RIMS2: variants seen among roughly 807,000 people sequenced by gnomAD.
RIMS2 encodes regulating synaptic membrane exocytosis protein 2.
RIMS2 carries 59 observed loss-of-function variants against 174.4 expected under a neutral mutation model. The ratio of observed to expected loss-of-function variants is 0.34; its 90% CI spans 0.27 to 0.42. RIMS2 has a LOEUF of 0.42. Ranked by LOEUF, RIMS2 falls within the 10% of genes least tolerant of loss-of-function variation. The pLI, the probability that RIMS2 is intolerant of heterozygous loss-of-function variation, is 1.00. For missense variants in RIMS2, 1,620 were observed against 1,666.3 expected (o/e 0.97, Z 0.48); for synonymous variants, 606 against 572.5 (o/e 1.06, Z -0.84).
At chr8:103,741,284 T>G (rs919665582) in intron 2 of RIMS2, among the ~76,000 whole-genome samples, 3 of 152,090 alleles carry the variant, frequency 2.0e-5, no homozygotes, top group Admixed American at 6.6e-5. Flanking sequence ...CTATTTCTAT[T>G]TCCTTCGTTT....
chr8:104,110,523 A>C (rs2098162268), intron 19 of RIMS2, among the ~76,000 whole-genome samples: 1 of 152,182 alleles, frequency 6.6e-6, no homozygotes. Context: ...AAAATACAGT[A>C]ATTAAAACAT....
intron 2 of RIMS2, among the ~76,000 whole-genome samples, chr8:103,701,328 G>C (rs768751638): frequency 2.4e-4 from 36 of 152,000 alleles, no homozygotes; most frequent in Non-Finnish European, 3.4e-4. Flanking sequence ...TATTAATGTG[G>C]TATATGTGAT....
At chr8:103,817,249 C>G (rs1429365185) in intron 3 of RIMS2, among the ~76,000 whole-genome samples, 1 of 152,150 alleles carries the variant, frequency 6.6e-6, no homozygotes, top group South Asian at 2.1e-4. Flanking sequence ...TTTGCTCTAA[C>G]TAAAATACCC....
rs145930261 is a variant in RIMS2, at chr8:104,003,271, T to C, written c.3045-10171T>C. Reference sequence around the variant, plus strand: ...AGATTGATGTGGAGGTGAGGGAGGATATTTGTGACATTTTAAAGAAATGTA... The same window carrying C: ...AGATTGATGTGGAGGTGAGGGAGGACATTTGTGACATTTTAAAGAAATGTA... On this transcript the variant is annotated intron_variant, in intron 17 of 23. Transcript: ENST00000504942. 3.5e-3 allele frequency among the ~76,000 whole-genome samples: 536 copies of C among 152,266 alleles called. 4 individuals carry two copies. Among genetic ancestry groups the C allele is most frequent in the South Asian group, 8.9e-3 (43 of 4,820 alleles).
chr8:103,779,140 G>T (rs2098355117), intron 3 of RIMS2, among the ~76,000 whole-genome samples: 2 of 152,000 alleles, frequency 1.3e-5, no homozygotes, highest in African/African-American at 2.4e-5. Flanking sequence ...ATATATTCTG[G>T]TTATCAATTC....
intron 19 of RIMS2, among the ~76,000 whole-genome samples, chr8:104,097,845 A>G (rs1772427691): frequency 6.6e-6 from 1 of 152,158 alleles, no homozygotes; most frequent in Admixed American, 6.5e-5. Context: ...TTTTGCCATT[A>G]CTTTTAATGG....
chr8:104,024,493 T>C (rs2096201271), intron 19 of RIMS2, among the ~76,000 whole-genome samples: 1 of 152,346 alleles, frequency 6.6e-6, no homozygotes, highest in Non-Finnish European at 1.5e-5. Flanking sequence ...TAGCATTCTA[T>C]GACACTGTTG....
At chr8:103,594,063 A>G (rs765035102) in intron 1 of RIMS2, among the ~76,000 whole-genome samples, 2 of 151,624 alleles carry the variant, frequency 1.3e-5, no homozygotes, top group Non-Finnish European at 3.0e-5. Flanking sequence ...TATATTTGCA[A>G]CCTCAAAATT....
At chr8:103,580,420 G>A (rs1416365157) in intron 1 of RIMS2, among the ~76,000 whole-genome samples, 2 of 147,516 alleles carry the variant, frequency 1.4e-5, no homozygotes, top group Non-Finnish European at 3.0e-5. Context: ...ATCAAAGACT[G>A]TAAAAACAAA....
At chr8:104,070,165 C>T (rs572633116) in intron 19 of RIMS2, among the ~76,000 whole-genome samples, 5 of 152,290 alleles carry the variant, frequency 3.3e-5, no homozygotes, top group African/African-American at 1.2e-4. Flanking sequence ...GTACCAGTTT[C>T]TAGCTTCTTC....
chr8:103,708,048 G>A (rs79060825), intron 2 of RIMS2, among the ~76,000 whole-genome samples: 5,071 of 152,328 alleles, frequency 0.033, 119 homozygotes, highest in Non-Finnish European at 0.053. Context: ...GAAGTCGGGA[G>A]AGGAGTGATG....
chr8:103,807,977 AG>A (rs1020509180), intron 3 of RIMS2, among the ~76,000 whole-genome samples: 4 of 152,108 alleles, frequency 2.6e-5, no homozygotes, highest in African/African-American at 9.7e-5. Context: ...GGCTGAAAAA[AG>A]ACTAAAAATT....
At chr8:103,918,471 T>C (rs762962618) in exon 9 of RIMS2, 1 of 1,606,156 alleles carries the variant, frequency 6.2e-7, no homozygotes, top group Non-Finnish European at 8.5e-7. Flanking sequence ...ATAGCACACA[T>C]GCACAACTGG....
At chr8:103,538,144 G>A (rs928980647) in intron 1 of RIMS2, among the ~76,000 whole-genome samples, 4 of 151,878 alleles carry the variant, frequency 2.6e-5, no homozygotes, top group Non-Finnish European at 5.9e-5. Context: ...GCATAGTTAG[G>A]CTTTGACCTA....
At chr8:104,230,371 C>T (rs901580381) in intron 19 of RIMS2, among the ~76,000 whole-genome samples, 28 of 152,054 alleles carry the variant, frequency 1.8e-4, no homozygotes, top group African/African-American at 6.5e-4. Flanking sequence ...ATCAGCCAGG[C>T]GCGGTGGCTC....
intron 19 of RIMS2, among the ~76,000 whole-genome samples, chr8:104,093,976 G>T (rs1434441885): frequency 6.6e-6 from 1 of 151,632 alleles, no homozygotes; most frequent in Non-Finnish European, 1.5e-5. Context: ...ATGTTCCAAG[G>T]AATATGAAAA....
At chr8:103,668,233 A>G (rs1275061587) in intron 1 of RIMS2, among the ~76,000 whole-genome samples, 2 of 152,198 alleles carry the variant, frequency 1.3e-5, no homozygotes. Context: ...AAGGCAACCT[A>G]GTTGATTCAA....
intron 19 of RIMS2, 89 bp from the exon 25 acceptor site, chr8:104,148,518 A>C: frequency 1.7e-6 from 2 of 1,177,768 alleles, no homozygotes; most frequent in South Asian, 1.6e-5. Context: ...ATATAATTTA[A>C]TTATACTCCA....
chr8:103,615,247 T>C (rs905164944), intron 1 of RIMS2, among the ~76,000 whole-genome samples: 4 of 152,034 alleles, frequency 2.6e-5, no homozygotes, highest in Non-Finnish European at 4.4e-5. Context: ...AAAACCTACA[T>C]GGAAATTAAA....
Sources: gnomAD v4.1 joint callset for allele counts (sites outside exome capture counted in the v4.1 genomes callset) on GRCh38, gnomAD v4.1.1 for gene constraint, MANE v1.5 for transcripts, NCBI Gene and HGNC (gene_info 2026-07-23, HGNC 2026-07-21) for gene names.